The following DNAJC1 variants were observed in gnomAD, a reference collection of about 807,000 sequenced individuals.
The protein encoded by DNAJC1 is dnaJ homolog subfamily C member 1.
A neutral mutation model predicts 76.6 loss-of-function variants in DNAJC1; 58 were observed. The ratio of observed to expected loss-of-function variants is 0.76; its 90% CI spans 0.61 to 0.94. The LOEUF is 0.94. Ranked by LOEUF, DNAJC1 falls within the 40% of genes least tolerant of loss-of-function variation. The probability of loss-of-function intolerance (pLI) is 0.00; values close to 1 mark genes in which losing one functional copy is unlikely to be tolerated. For missense variants in DNAJC1, 689 were observed against 677.3 expected (o/e 1.02, Z -0.19); for synonymous variants, 258 against 267.9 (o/e 0.96, Z 0.36).
chr10:21,917,087 A>C (rs1459968243), intron 6 of DNAJC1, among the ~76,000 whole-genome samples: 1 of 152,100 alleles, frequency 6.6e-6, no homozygotes, highest in African/African-American at 2.4e-5. Context: ...AGCAGATACC[A>C]TCAAGTAAGT....
chr10:21,932,571 C>T (rs564836674), intron 1 of DNAJC1, among the ~76,000 whole-genome samples: 15 of 152,204 alleles, frequency 9.9e-5, no homozygotes, highest in Non-Finnish European at 1.9e-4. Context: ...ATGATTCTCA[C>T]TAAGTGTCTT....
chr10:21,913,475 T>C (rs1836900733), intron 6 of DNAJC1, among the ~76,000 whole-genome samples: 1 of 152,092 alleles, frequency 6.6e-6, no homozygotes, highest in Non-Finnish European at 1.5e-5. Flanking sequence ...TCTAAATTAT[T>C]ATGGGCCCAA....
At chr10:21,862,203 C>T (rs997917062) in intron 8 of DNAJC1, among the ~76,000 whole-genome samples, 6 of 152,030 alleles carry the variant, frequency 3.9e-5, no homozygotes, top group Non-Finnish European at 8.8e-5. Flanking sequence ...CAGGCGTGAG[C>T]CACCGCACCC....
chr10:21,936,601 T>C (rs934232816), intron 1 of DNAJC1, among the ~76,000 whole-genome samples: 2 of 152,190 alleles, frequency 1.3e-5, no homozygotes, highest in African/African-American at 4.8e-5. Flanking sequence ...GTGCTTGCTA[T>C]AGGAGCAACA....
chr10:21,905,222 A>G (rs563409888), intron 6 of DNAJC1, among the ~76,000 whole-genome samples: 1 of 151,852 alleles, frequency 6.6e-6, no homozygotes, highest in East Asian at 1.9e-4. Context: ...TGAAGTCTCA[A>G]TGAGTGGCAC....
chr10:21,907,883 C>A (rs1836772561), intron 6 of DNAJC1, among the ~76,000 whole-genome samples: 1 of 148,802 alleles, frequency 6.7e-6, no homozygotes, highest in Non-Finnish European at 1.5e-5. Flanking sequence ...GAGGCTGAGG[C>A]AAGAGAATTG....
At chr10:21,853,787 C>CAAAA (rs1011936425) in intron 8 of DNAJC1, among the ~76,000 whole-genome samples, 4 of 12,600 alleles carry the variant, frequency 3.2e-4, no homozygotes, top group African/African-American at 4.4e-4. Flanking sequence ...GACTCCATCT[C>CAAAA]AAAAAAAAAA....
In DNAJC1 at chr10:21,843,771, ACT is replaced by A. The variant is rs1187771439; in HGVS notation, c.979-37674_979-37673del. Among the ~76,000 whole-genome samples the A allele has an allele frequency of 4.0e-5, 6 of 149,980 alleles. No homozygotes were observed. The East Asian group carries it at 9.8e-4, about 24-fold the overall frequency. On this transcript the variant is annotated intron_variant, in intron 8 of 11. Coordinates refer to ENST00000376980, the MANE Select transcript of DNAJC1 (RefSeq NM_022365.4). The stretch of plus-strand genomic sequence containing the variant: ...TTTTTTTTTTTTAAGAGGAAGTCTC[ACT>A]CTGTCATCCAGGCTGAAGTGCAGTG...
At chr10:21,765,271 T>C (rs774557718) in intron 10 of DNAJC1, among the ~76,000 whole-genome samples, 5 of 152,178 alleles carry the variant, frequency 3.3e-5, no homozygotes, top group Non-Finnish European at 5.9e-5. Context: ...TCTCACTATG[T>C]TGCCCAGGCT....
intron 1 of DNAJC1, among the ~76,000 whole-genome samples, chr10:21,986,462 G>T (rs553825525): frequency 6.6e-6 from 1 of 152,184 alleles, no homozygotes; most frequent in South Asian, 2.1e-4. Context: ...CTTGGGTAAG[G>T]TGTCTATTCA....
intron 1 of DNAJC1, among the ~76,000 whole-genome samples, chr10:21,970,042 A>C (rs898955926): frequency 6.6e-6 from 1 of 152,170 alleles, no homozygotes; most frequent in African/African-American, 2.4e-5. Flanking sequence ...AAAATGTTTC[A>C]AGTATTTAAG....
chr10:21,792,576 G>A (rs1834702751), intron 9 of DNAJC1, among the ~76,000 whole-genome samples: 1 of 151,962 alleles, frequency 6.6e-6, no homozygotes, highest in South Asian at 2.1e-4. Flanking sequence ...GGCCAACATG[G>A]TGAAACCCTG....
At chr10:21,909,414 T>C (rs1836816352) in intron 6 of DNAJC1, among the ~76,000 whole-genome samples, 2 of 152,090 alleles carry the variant, frequency 1.3e-5, no homozygotes, top group Non-Finnish European at 2.9e-5. Flanking sequence ...GTGGTGATTA[T>C]ATAAGATACA....
intron 8 of DNAJC1, among the ~76,000 whole-genome samples, chr10:21,832,470 T>G (rs1432516671): frequency 6.6e-6 from 1 of 152,172 alleles, no homozygotes; most frequent in Non-Finnish European, 1.5e-5. Flanking sequence ...ACCAAACTGA[T>G]TACATATCAT....
chr10:21,826,303 T>TG (rs1306928501), intron 8 of DNAJC1, among the ~76,000 whole-genome samples: 1 of 150,736 alleles, frequency 6.6e-6, no homozygotes, highest in Non-Finnish European at 1.5e-5. Context: ...TCCCATTCTG[T>TG]GGGGTGCATT....
chr10:21,881,025 T>C (rs1768243686), intron 8 of DNAJC1, among the ~76,000 whole-genome samples: 1 of 152,248 alleles, frequency 6.6e-6, no homozygotes, highest in Non-Finnish European at 1.5e-5. Context: ...CCATAGCACT[T>C]GCTGCTGCAC....
At chr10:21,794,673 A>G (rs1834733256) in intron 9 of DNAJC1, among the ~76,000 whole-genome samples, 1 of 152,226 alleles carries the variant, frequency 6.6e-6, no homozygotes, top group African/African-American at 2.4e-5. Flanking sequence ...GTTCTTAGGT[A>G]TAACACTAAA....
intron 9 of DNAJC1, among the ~76,000 whole-genome samples, chr10:21,782,553 A>G (rs1468546160): frequency 6.6e-6 from 1 of 152,226 alleles, no homozygotes; most frequent in African/African-American, 2.4e-5. Context: ...TCATTTTATG[A>G]GGCCAGCATC....
intron 1 of DNAJC1, among the ~76,000 whole-genome samples, chr10:21,965,083 T>C (rs1238165078): frequency 6.6e-6 from 1 of 152,170 alleles, no homozygotes; most frequent in Non-Finnish European, 1.5e-5. Context: ...GTTCTTACTA[T>C]TAATATTATA....
Sources: gnomAD v4.1 joint callset for allele counts (sites outside exome capture counted in the v4.1 genomes callset) on GRCh38, gnomAD v4.1.1 for gene constraint, MANE v1.5 for transcripts, NCBI Gene and HGNC (gene_info 2026-07-23, HGNC 2026-07-21) for gene names.